Variants in VPS41 observed in about 807,000 individuals in gnomAD.
VPS41 encodes vacuolar protein sorting-associated protein 41 homolog.
Under a neutral mutation model 130.9 loss-of-function variants are expected in VPS41, and 85 were observed. The ratio of observed to expected loss-of-function variants is 0.65; its 90% confidence interval spans 0.55 to 0.78. The LOEUF is 0.78. Among genes scored for constraint, VPS41 ranks in the 30% least tolerant of loss-of-function variants. The probability of loss-of-function intolerance (pLI) is 0.00; values close to 1 mark genes in which losing one functional copy is unlikely to be tolerated. For missense variants in VPS41, 874 were observed against 1,018.7 expected (o/e 0.86, Z 1.93); for synonymous variants, 335 against 332.9 (o/e 1.01, Z -0.07).
intron 3 of VPS41, among the ~76,000 whole-genome samples, chr7:38,867,458 T>C (rs1047821458): frequency 5.9e-5 from 9 of 151,918 alleles, no homozygotes; most frequent in Admixed American, 5.9e-4. Context: ...GGCAGGAGAA[T>C]TGCTTGAACC....
At chr7:38,746,299 C>T (rs1451442893) in intron 22 of VPS41, among the ~76,000 whole-genome samples, 2 of 151,018 alleles carry the variant, frequency 1.3e-5, no homozygotes, top group East Asian at 1.9e-4. Context: ...AAATTACTTA[C>T]TAATTCTAAA....
chr7:38,903,504 T>C lies in VPS41; in HGVS notation c.22-5375A>G, dbSNP rs370143353. On this transcript the variant is annotated intron_variant, in intron 1 of 28. Coordinates refer to ENST00000310301, the MANE Select transcript of VPS41 (RefSeq NM_014396.4). ...AACTTTGCAGGAGGGCTCACCTGGG[T>C]CTGTGTTGCAGGAAAAAAAAGAGCA... 2.6e-5 allele frequency among the ~76,000 whole-genome samples: 4 copies of C among 152,230 alleles called. 1 individual carries two copies. The highest frequency in any genetic ancestry group is 1.9e-4 in the East Asian group (1 of 5,170).
chr7:38,787,168 T>C (rs971276004), intron 10 of VPS41, among the ~76,000 whole-genome samples: 2 of 152,182 alleles, frequency 1.3e-5, no homozygotes, highest in Non-Finnish European at 2.9e-5. Flanking sequence ...AAATTCCACA[T>C]GAAATTAAGA....
intron 25 of VPS41, among the ~76,000 whole-genome samples, chr7:38,737,615 A>C (rs1417449157): frequency 1.3e-5 from 2 of 152,160 alleles, no homozygotes. Context: ...TCTCATCTGC[A>C]AAGCAGGGGC....
At chr7:38,901,713 T>C (rs1015199697) in intron 1 of VPS41, among the ~76,000 whole-genome samples, 9 of 151,964 alleles carry the variant, frequency 5.9e-5, no homozygotes, top group African/African-American at 2.2e-4. Context: ...ACAATGTGAG[T>C]GTATTTAATG....
chr7:38,836,294 C>A (rs1223563280), intron 4 of VPS41, among the ~76,000 whole-genome samples: 1 of 151,936 alleles, frequency 6.6e-6, no homozygotes, highest in Non-Finnish European at 1.5e-5. Flanking sequence ...ATTTATGCCT[C>A]CCCAAAATCA....
chr7:38,834,579 G>A (rs1224369827), intron 4 of VPS41, among the ~76,000 whole-genome samples: 1 of 152,126 alleles, frequency 6.6e-6, no homozygotes, highest in East Asian at 1.9e-4. Context: ...TGATTAGGAA[G>A]AGTCACATGG....
chr7:38,729,206 C>A (rs923088453), intron 25 of VPS41, among the ~76,000 whole-genome samples: 1 of 152,166 alleles, frequency 6.6e-6, no homozygotes, highest in Non-Finnish European at 1.5e-5. Flanking sequence ...AGAATGAAAA[C>A]CTGCTATTCC....
intron 4 of VPS41, among the ~76,000 whole-genome samples, chr7:38,846,240 C>G (rs1785721062): frequency 6.6e-6 from 1 of 152,204 alleles, no homozygotes; most frequent in Non-Finnish European, 1.5e-5. Flanking sequence ...CATTACATTG[C>G]AAACCATTGT....
chr7:38,891,578 A>T (rs1239114390), intron 2 of VPS41, among the ~76,000 whole-genome samples: 1 of 152,216 alleles, frequency 6.6e-6, no homozygotes, highest in Non-Finnish European at 1.5e-5. Context: ...TATCTGCCAT[A>T]TTGCCTCTGT....
At chr7:38,776,812 A>T (rs1562582751) in intron 10 of VPS41, 36 bp from the exon 11 acceptor site, 1 of 1,188,144 alleles carries the variant, frequency 8.4e-7, no homozygotes. Flanking sequence ...CATCATCAAC[A>T]GGGGCAAACA....
Position 38,763,566 on chromosome 7 carries a change from A to G in VPS41, c.1330-19T>C. The G allele has an allele frequency of 6.5e-7, 1 of 1,532,208 alleles. No homozygotes were observed. The highest frequency in any genetic ancestry group is 8.8e-7 in the Non-Finnish European group (1 of 1,130,182). 94.9% of individuals were successfully genotyped at this position (1,532,208 alleles called of 1,614,324 possible). On this transcript the variant is annotated intron_variant, in intron 16 of 28. Transcript: ENST00000310301. ...TAATAGCCTAGGTAAGGAAAAGGGA[A>G]AAAAAAGTCCATTAAAATATGAAAA...
intron 25 of VPS41, among the ~76,000 whole-genome samples, chr7:38,731,940 T>G (rs1032888877): frequency 6.6e-6 from 1 of 152,174 alleles, no homozygotes; most frequent in Non-Finnish European, 1.5e-5. Context: ...CTGCTCCTTC[T>G]TTTCAAACAC....
intron 19 of VPS41, among the ~76,000 whole-genome samples, chr7:38,755,180 T>G (rs1250076502): frequency 2.6e-5 from 4 of 151,936 alleles, no homozygotes; most frequent in Non-Finnish European, 5.9e-5. Context: ...TTGCTATAAC[T>G]TCCCAAATAC....
chr7:38,746,700 TC>T (rs1166018730), intron 22 of VPS41, among the ~76,000 whole-genome samples: 1 of 151,996 alleles, frequency 6.6e-6, no homozygotes. Flanking sequence ...TACAAAACTT[TC>T]TATTGCATCG....
intron 25 of VPS41, among the ~76,000 whole-genome samples, chr7:38,739,245 G>T (rs1055449345): frequency 6.6e-6 from 1 of 152,094 alleles, no homozygotes; most frequent in Non-Finnish European, 1.5e-5. Context: ...GTCCCACCCA[G>T]CCCCATCACA....
intron 19 of VPS41, 63 bp downstream of exon 19, chr7:38,756,775 C>G: frequency 8.3e-7 from 1 of 1,207,232 alleles, no homozygotes; most frequent in South Asian, 1.5e-5. Flanking sequence ...GGATAGATAT[C>G]TAAGTATTAA....
chr7:38,899,649 C>G (rs983720336), intron 1 of VPS41, among the ~76,000 whole-genome samples: 2 of 152,142 alleles, frequency 1.3e-5, no homozygotes, highest in African/African-American at 4.8e-5. Flanking sequence ...ACTTTCCTAA[C>G]ACCACTGGGG....
intron 21 of VPS41, 72 bp downstream of exon 21, chr7:38,754,630 C>G: frequency 1.6e-6 from 2 of 1,253,134 alleles, no homozygotes; most frequent in Non-Finnish European, 2.3e-6. Flanking sequence ...GTATCCTCCT[C>G]GCACCAATAC....
Sources: allele counts gnomAD v4.1 joint callset (sites outside exome capture counted in the v4.1 genomes callset), GRCh38; gene constraint gnomAD v4.1.1; transcripts MANE v1.5; gene names NCBI Gene and HGNC (gene_info 2026-07-23, HGNC 2026-07-21).